THSD7A: variants seen among roughly 807,000 people sequenced by gnomAD.
THSD7A encodes thrombospondin type-1 domain-containing protein 7A.
THSD7A carries 96 observed loss-of-function variants against 231.3 expected under a neutral mutation model. The ratio of observed to expected loss-of-function variants is 0.41; its 90% CI spans 0.35 to 0.49. The LOEUF (loss-of-function observed/expected upper bound fraction) is 0.49. Among genes scored for constraint, THSD7A ranks in the 20% least tolerant of loss-of-function variants. THSD7A has a pLI of 0.05. For missense variants in THSD7A, 2,290 were observed against 2,070.2 expected, an observed-to-expected ratio of 1.11 and a Z score of -2.06; for synonymous variants, 940 against 743.3, an observed-to-expected ratio of 1.26 and a Z score of -4.30.
At chr7:11,486,366 T>C (rs1786657672) in intron 6 of THSD7A, among the ~76,000 whole-genome samples, 1 of 152,202 alleles carries the variant, frequency 6.6e-6, no homozygotes, top group African/African-American at 2.4e-5. Flanking sequence ...TAATTTATAC[T>C]CCTCTATTTG....
intron 1 of THSD7A, among the ~76,000 whole-genome samples, chr7:11,808,655 C>G (rs1479341306): frequency 6.6e-6 from 1 of 152,092 alleles, no homozygotes; most frequent in Non-Finnish European, 1.5e-5. Flanking sequence ...GGTTTTAAAA[C>G]TGTTATGCCC....
chr7:11,557,747 G>A lies in THSD7A; in HGVS notation c.1454-14630C>T, dbSNP rs769157427. On this transcript the variant is annotated intron_variant, in intron 4 of 27. Transcript: ENST00000423059. ...TTACTTTTATGTGGCTGTGTGTACT[G>A]GTTGCCTAATTGTCTTCACTAACAT... Among the ~76,000 whole-genome samples, 36 of 152,226 alleles carry A rather than the reference G, an allele frequency of 2.4e-4. 3 individuals are homozygous for A. Among genetic ancestry groups the A allele is most frequent in the Admixed American group, 1.8e-3 (28 of 15,278 alleles).
chr7:11,769,813 TCTTAA>T (rs1783166175), intron 1 of THSD7A, among the ~76,000 whole-genome samples: 1 of 152,194 alleles, frequency 6.6e-6, no homozygotes, highest in African/African-American at 2.4e-5. Context: ...TGAGTCCTCT[TCTTAA>T]CTTTAATCTA....
At chr7:11,391,043 G>A (rs1562570992) in intron 23 of THSD7A, among the ~76,000 whole-genome samples, 1 of 152,192 alleles carries the variant, frequency 6.6e-6, no homozygotes, top group Non-Finnish European at 1.5e-5. Context: ...CCCCTACTGG[G>A]AGGTGTCTCC....
intron 2 of THSD7A, among the ~76,000 whole-genome samples, chr7:11,610,956 G>T (rs935069117): frequency 6.6e-6 from 1 of 152,112 alleles, no homozygotes; most frequent in Non-Finnish European, 1.5e-5. Context: ...ACAAGGAAGA[G>T]GATGCCGAAG....
chr7:11,759,350 T>C (rs374082616), intron 1 of THSD7A, among the ~76,000 whole-genome samples: 7 of 152,234 alleles, frequency 4.6e-5, no homozygotes, highest in African/African-American at 1.7e-4. Context: ...TATGGTTGTT[T>C]AGAAATTCAT....
At chr7:11,669,971 A>ATC (rs1491124267) in intron 1 of THSD7A, among the ~76,000 whole-genome samples, 1 of 150,738 alleles carries the variant, frequency 6.6e-6, no homozygotes, top group African/African-American at 2.4e-5. Flanking sequence ...TGTTGCATTC[A>ATC]TGTGTGTGTG....
At chr7:11,767,839 C>A (rs1783078623) in intron 1 of THSD7A, among the ~76,000 whole-genome samples, 1 of 152,066 alleles carries the variant, frequency 6.6e-6, no homozygotes, top group South Asian at 2.1e-4. Flanking sequence ...GAAGCTCCAA[C>A]AAGGAAACAG....
intron 1 of THSD7A, among the ~76,000 whole-genome samples, chr7:11,730,928 A>C (rs1335427804): frequency 2.6e-5 from 4 of 151,578 alleles, no homozygotes; most frequent in Non-Finnish European, 5.9e-5. Flanking sequence ...GACAACTTTC[A>C]ATTTCAGTTA....
intron 1 of THSD7A, among the ~76,000 whole-genome samples, chr7:11,757,280 G>T (rs747547268): frequency 1.3e-5 from 2 of 151,944 alleles, no homozygotes; most frequent in East Asian, 3.9e-4. Flanking sequence ...AACCATATTG[G>T]TTGGCACATA....
intron 1 of THSD7A, among the ~76,000 whole-genome samples, chr7:11,745,480 T>C (rs1003613599): frequency 2.2e-4 from 34 of 152,154 alleles, no homozygotes; most frequent in Non-Finnish European, 4.3e-4. Flanking sequence ...TGGCTTTTGT[T>C]GCCCTTGCTT....
intron 23 of THSD7A, among the ~76,000 whole-genome samples, chr7:11,390,676 G>T (rs1369859950): frequency 6.6e-6 from 1 of 152,132 alleles, no homozygotes; most frequent in African/African-American, 2.4e-5. Context: ...GAGGCATTCT[G>T]GTTTTTGAAA....
chr7:11,410,614 C>T (rs1783750673), intron 19 of THSD7A: 1 of 152,206 alleles, frequency 6.6e-6, no homozygotes, highest in Non-Finnish European at 1.5e-5. Context: ...CTTCACATTT[C>T]AGACGCTCAC....
intron 1 of THSD7A, chr7:11,820,772 C>G (rs1455519326): frequency 5.0e-6 from 6 of 1,203,088 alleles, no homozygotes; most frequent in Non-Finnish European, 6.2e-6. Flanking sequence ...GTGAGATGAC[C>G]GGGAGGAAGA....
intron 19 of THSD7A, among the ~76,000 whole-genome samples, chr7:11,410,689 A>G (rs996882476): frequency 1.3e-5 from 2 of 152,174 alleles, no homozygotes; most frequent in African/African-American, 2.4e-5. Flanking sequence ...TACCTAGAAG[A>G]TAGTAATGGC....
At chr7:11,694,339 C>A (rs994215723) in intron 1 of THSD7A, among the ~76,000 whole-genome samples, 3 of 151,458 alleles carry the variant, frequency 2.0e-5, no homozygotes, top group Non-Finnish European at 3.0e-5. Flanking sequence ...GTTGGGCCTG[C>A]GGGACCACCA....
At chr7:11,472,052 T>G (rs1201330932) in intron 8 of THSD7A, among the ~76,000 whole-genome samples, 2 of 152,156 alleles carry the variant, frequency 1.3e-5, no homozygotes, top group Non-Finnish European at 2.9e-5. Flanking sequence ...GCAAGATACT[T>G]GGCTGACTGT....
intron 1 of THSD7A, among the ~76,000 whole-genome samples, chr7:11,752,700 G>C (rs1398280426): frequency 2.0e-5 from 3 of 151,916 alleles, no homozygotes; most frequent in African/African-American, 7.3e-5. Flanking sequence ...AGGACTGCTT[G>C]AGCCCACAAA....
chr7:11,507,134 T>C (rs929015767), intron 6 of THSD7A, among the ~76,000 whole-genome samples: 3 of 152,184 alleles, frequency 2.0e-5, no homozygotes, highest in Non-Finnish European at 2.9e-5. Flanking sequence ...TGAGGTACTA[T>C]GGACCTTGAA....
Sources: allele counts gnomAD v4.1 joint callset (sites outside exome capture counted in the v4.1 genomes callset), GRCh38; gene constraint gnomAD v4.1.1; transcripts MANE v1.5; gene names NCBI Gene and HGNC (gene_info 2026-07-23, HGNC 2026-07-21).